FAXC: variants seen among roughly 807,000 people sequenced by gnomAD.
FAXC encodes failed axon connections homolog, metaxin like GST domain containing.
A neutral mutation model predicts 41.9 loss-of-function variants in FAXC; 10 were observed. The observed-to-expected ratio is 0.24, with a 90% confidence interval of 0.15 to 0.41. The LOEUF (loss-of-function observed/expected upper bound fraction) is 0.41, where lower values mean the gene tolerates loss of function less well. Ranked by LOEUF, FAXC falls within the 10% of genes least tolerant of loss-of-function variation. The pLI is 1.00. For synonymous variants in FAXC, 183 were observed against 183.8 expected, an observed-to-expected ratio of 1.00 and a Z score of 0.03; for missense variants, 399 against 510.9, an observed-to-expected ratio of 0.78 and a Z score of 2.11.
chr6:99,278,312 A>T lies in FAXC; in HGVS notation c.*2852T>A, dbSNP rs1034019528. 2 of 152,164 alleles carry T rather than the reference A, an allele frequency of 1.3e-5. No individual in the cohort carries two copies. Among genetic ancestry groups the T allele is most frequent in the African/African-American group, 4.8e-5 (2 of 41,444 alleles). 9.4% of individuals were successfully genotyped at this position (152,164 alleles called of 1,614,324 possible). A position where few individuals can be genotyped will look rare whatever the true frequency, so the allele number is the denominator to read the frequency against. ...AGTGGGGGTACAGATGGGCAAAGAG[A>T]GGTGGATGCAAGAGCTTGATTTACT... On this transcript the variant is annotated 3_prime_UTR_variant, in exon 6 of 6. Transcript: ENST00000389677.
chr6:99,337,597 A>G (rs1053307381), intron 2 of FAXC, among the ~76,000 whole-genome samples: 13 of 152,370 alleles, frequency 8.5e-5, no homozygotes, highest in Non-Finnish European at 1.5e-4. Context: ...TCATCTACAC[A>G]TAATCAGAAA....
In FAXC at chr6:99,349,094, C is replaced by G. The variant is rs373851551; in HGVS notation, c.266+13G>C. On this transcript the variant is annotated intron_variant, in intron 1 of 5. Coordinates refer to ENST00000389677, the MANE Select transcript of FAXC (RefSeq NM_032511.4). ...TCTCTGCGCCCCTGTGCGGGGCCCTCTCTCCGGCTCACCTAATGACCAGGA... is the reference window on the plus strand; with the variant it reads ...TCTCTGCGCCCCTGTGCGGGGCCCTGTCTCCGGCTCACCTAATGACCAGGA... 4.3e-6 allele frequency: 7 copies of G among 1,612,632 alleles called. No individual in the cohort carries two copies. Among genetic ancestry groups the G allele is most frequent in the Non-Finnish European group, 5.9e-6 (7 of 1,179,674 alleles).
At chr6:99,286,063 T>G (rs9373105) in intron 5 of FAXC, among the ~76,000 whole-genome samples, 25,363 of 152,074 alleles carry the variant, frequency 0.17, 2,335 homozygotes, top group Admixed American at 0.24. Flanking sequence ...TTGGAAAACA[T>G]AGGCCAACAT....
chr6:99,293,710 G>GTGTGTGTGTT (rs1771347105), intron 4 of FAXC, among the ~76,000 whole-genome samples: 1 of 101,184 alleles, frequency 9.9e-6, no homozygotes, highest in Non-Finnish European at 2.3e-5. Flanking sequence ...GTGTGTGTGT[G>GTGTGTGTGTT]TGTCTGTGTG....
rs570007811 is a variant in FAXC, at chr6:99,281,231, G to C, written c.1163C>G (p.Thr388Ser). The C allele has an allele frequency of 1.2e-6, 2 of 1,611,244 alleles. No individual in the cohort carries two copies. Among genetic ancestry groups the C allele is most frequent in the Admixed American group, 1.7e-5 (1 of 60,010 alleles). ...SFSRTPDTDF[T>S]GHSLFDSDVD... ...ATCCGAATCAAAGAGTGAGTGTCCA[G>C]TAAAATCTGTGTCTGGGGTTCTGGA... The change falls in exon 6 of 6, where the codon ACT (threonine) becomes AGT (serine). Residue 388 changes from threonine (T) to serine (S), a missense_variant. Thr to Ser is a moderately conservative substitution (Grantham distance 58). Coordinates refer to ENST00000389677, the MANE Select transcript of FAXC (RefSeq NM_032511.4).
intron 4 of FAXC, among the ~76,000 whole-genome samples, chr6:99,307,653 C>T (rs1771978219): frequency 6.6e-6 from 1 of 152,060 alleles, no homozygotes; most frequent in South Asian, 2.1e-4. Context: ...TCAGAGGGCC[C>T]CAGGAACCAG....
intron 4 of FAXC, among the ~76,000 whole-genome samples, chr6:99,292,875 C>T (rs1417326389): frequency 2.6e-5 from 4 of 152,134 alleles, no homozygotes; most frequent in Non-Finnish European, 5.9e-5. Flanking sequence ...GGCATTATCT[C>T]GGCTCACTGC....
At chr6:99,315,264 C>CAAAAAAAA (rs1772309486) in intron 4 of FAXC, among the ~76,000 whole-genome samples, 4 of 11,616 alleles carry the variant, frequency 3.4e-4, no homozygotes, top group African/African-American at 1.7e-3. Context: ...AAAAAAAAAC[C>CAAAAAAAA]AGTAAATGTC....
intron 4 of FAXC, among the ~76,000 whole-genome samples, chr6:99,322,665 AC>A (rs1772634766): frequency 6.6e-6 from 1 of 152,134 alleles, no homozygotes; most frequent in Non-Finnish European, 1.5e-5. Context: ...CCATTATTTC[AC>A]ACATAGAAGG....
In FAXC at chr6:99,271,760, G is replaced by A. The variant is rs954948618; in HGVS notation, c.*9404C>T. On this transcript the variant is annotated 3_prime_UTR_variant, in exon 6 of 6. Coordinates refer to ENST00000389677, the MANE Select transcript of FAXC (RefSeq NM_032511.4). ...TTAATAGATATTCCCATGTTGGGAA[G>A]GGAGGGTTAGAATTTTGAATGTTAC... is the stretch of plus-strand genomic sequence containing the variant. 1 of 152,186 alleles carries A rather than the reference G, an allele frequency of 6.6e-6. No individual in the cohort carries two copies. Among genetic ancestry groups the A allele is most frequent in the Non-Finnish European group, 1.5e-5 (1 of 68,026 alleles). The allele number at this position is 152,186 out of a possible 1,614,324, so 9.4% of individuals were successfully genotyped here.
intron 3 of FAXC, among the ~76,000 whole-genome samples, chr6:99,328,547 A>G (rs557118203): frequency 6.6e-6 from 1 of 152,310 alleles, no homozygotes; most frequent in Non-Finnish European, 1.5e-5. Flanking sequence ...ATGACAGCCC[A>G]AACGGCCTAA....
chr6:99,338,928 C>A (rs1439970995), intron 2 of FAXC, among the ~76,000 whole-genome samples: 1 of 152,168 alleles, frequency 6.6e-6, no homozygotes, highest in African/African-American at 2.4e-5. Context: ...CATCCCATGT[C>A]CTCCCTGATG....
intron 4 of FAXC, among the ~76,000 whole-genome samples, chr6:99,302,426 T>G (rs1360513933): frequency 6.6e-6 from 1 of 152,182 alleles, no homozygotes; most frequent in East Asian, 1.9e-4. Context: ...GAGGCCGAGA[T>G]GGGCAGATCA....
At chr6:99,294,887 C>T (rs1001827816) in intron 4 of FAXC, among the ~76,000 whole-genome samples, 1 of 152,150 alleles carries the variant, frequency 6.6e-6, no homozygotes, top group Non-Finnish European at 1.5e-5. Flanking sequence ...CAAAATTCGC[C>T]ATCTGGCTTC....
At chr6:99,294,267 C>G (rs537030177) in intron 4 of FAXC, among the ~76,000 whole-genome samples, 2 of 152,218 alleles carry the variant, frequency 1.3e-5, no homozygotes, top group African/African-American at 4.8e-5. Context: ...CCATAAGAAG[C>G]AACTCCTAAG....
chr6:99,342,874 G>A (rs749019332), intron 2 of FAXC, 24 bp downstream of exon 2: 72 of 1,574,888 alleles, frequency 4.6e-5, no homozygotes, highest in Non-Finnish European at 6.0e-5. Context: ...GTCATAAAAA[G>A]AAAACATATT....
intron 4 of FAXC, among the ~76,000 whole-genome samples, chr6:99,319,260 A>T (rs1337589129): frequency 1.3e-5 from 2 of 152,184 alleles, no homozygotes; most frequent in Non-Finnish European, 2.9e-5. Flanking sequence ...TTAGCCAGAC[A>T]TGGTGGCGGG....
rs570495856 is a variant in FAXC at position 99,272,818 on chromosome 6, T to G, written c.*8346A>C. Reference sequence around the variant, plus strand: ...TAAGAGACCACCACTTAACAGTATATTAGATGCAAACATTTCAGATTTTCC... The same window carrying G: ...TAAGAGACCACCACTTAACAGTATAGTAGATGCAAACATTTCAGATTTTCC... On this transcript the variant is annotated 3_prime_UTR_variant, in exon 6 of 6. Coordinates refer to ENST00000389677, the MANE Select transcript of FAXC (RefSeq NM_032511.4). 6.6e-6 allele frequency: 1 copy of G among 152,360 alleles called. No individual in the cohort carries two copies. Among genetic ancestry groups the G allele is most frequent in the Non-Finnish European group, 1.5e-5 (1 of 68,034 alleles). 9.4% of individuals were successfully genotyped at this position (152,360 alleles called of 1,614,324 possible). A position where few individuals can be genotyped will look rare whatever the true frequency, so the allele number is the denominator to read the frequency against.
chr6:99,279,074 A>G lies in FAXC; in HGVS notation c.*2090T>C, dbSNP rs1026354849. 6.6e-6 allele frequency: 1 copy of G among 152,072 alleles called. No individual in the cohort carries two copies. Among genetic ancestry groups the G allele is most frequent in the Non-Finnish European group, 1.5e-5 (1 of 68,008 alleles). 9.4% of individuals were successfully genotyped at this position (152,072 alleles called of 1,614,324 possible). A position where few individuals can be genotyped will look rare whatever the true frequency, so the allele number is the denominator to read the frequency against. ...CAGTCCACCTGTTCATTATATTCAT[A>G]TTTTCAGTCCAGGAGTCTCCCTAGT... On this transcript the variant is annotated 3_prime_UTR_variant, in exon 6 of 6. Coordinates refer to ENST00000389677, the MANE Select transcript of FAXC (RefSeq NM_032511.4).
Sources: allele counts gnomAD v4.1 joint callset (sites outside exome capture counted in the v4.1 genomes callset), GRCh38; gene constraint gnomAD v4.1.1; transcripts MANE v1.5; gene names NCBI Gene and HGNC (gene_info 2026-07-23, HGNC 2026-07-21).